DNAH2: variants seen among roughly 807,000 people sequenced by gnomAD.
DNAH2 encodes the protein dynein axonemal heavy chain 2, also known as axonemal beta dynein heavy chain 2.
Under a neutral mutation model 523.5 loss-of-function variants are expected in DNAH2, and 323 were observed. That is an observed-to-expected ratio of 0.62 (90% CI 0.56 to 0.68). The LOEUF (loss-of-function observed/expected upper bound fraction) is 0.68, where lower values mean the gene tolerates loss of function less well. Among genes scored for constraint, DNAH2 ranks in the 30% least tolerant of loss-of-function variants. The pLI is 0.00. For missense variants in DNAH2, 4,907 were observed against 5,701.5 expected (o/e 0.86, Z 4.49); for synonymous variants, 2,093 against 2,177.4 (o/e 0.96, Z 1.08).
chr17:7,831,002 G>A lies in DNAH2; in HGVS notation c.12231-84G>A. 1.3e-6 allele frequency: 2 copies of A among 1,510,908 alleles called. No individual in the cohort carries two copies. Among genetic ancestry groups the A allele is most frequent in the Middle Eastern group, 1.8e-4 (1 of 5,612 alleles). 93.6% of individuals were successfully genotyped at this position (1,510,908 alleles called of 1,614,324 possible). On this transcript the variant is annotated intron_variant, in intron 79 of 85. Coordinates refer to ENST00000572933, the MANE Select transcript of DNAH2 (RefSeq NM_020877.5). This position sits in a 1 kb window ranked among gnomAD's most constrained non-coding sequence, Gnocchi z 4.2. ...AGCAGGGCAGGGAGCTGGACAAATT[G>A]GACATGCATAGGTTTGGGGTCTTGG...
intron 44 of DNAH2, among the ~76,000 whole-genome samples, chr17:7,790,728 A>G (rs1335806414): frequency 6.8e-6 from 1 of 148,008 alleles, no homozygotes; most frequent in Non-Finnish European, 1.5e-5. Context: ...TTTTTTTTTT[A>G]AGAGACAGGG....
intron 8 of DNAH2, among the ~76,000 whole-genome samples, chr17:7,739,508 G>A (rs1433896935): frequency 1.3e-5 from 2 of 152,164 alleles, no homozygotes; most frequent in East Asian, 1.9e-4. Flanking sequence ...GCCTCTTATC[G>A]CTGCCCTACT....
At chr17:7,751,201 T>C (rs989286853) in intron 12 of DNAH2, among the ~76,000 whole-genome samples, 18 of 152,098 alleles carry the variant, frequency 1.2e-4, no homozygotes, top group South Asian at 4.1e-4. Context: ...TGGAGTACAG[T>C]GGCACCATCT....
Position 7,832,104 on chromosome 17 carries a change from C to T in DNAH2, c.12726+329C>T, listed in dbSNP as rs890790341. ...GTCATTGTTATGAATGAATAGCTGTCGTTGTATGCCTCTTTCCTAGAAGTT... is the reference window on the plus strand; with the variant it reads ...GTCATTGTTATGAATGAATAGCTGTTGTTGTATGCCTCTTTCCTAGAAGTT... On this transcript the variant is annotated intron_variant, in intron 82 of 85. Coordinates refer to ENST00000572933, the MANE Select transcript of DNAH2 (RefSeq NM_020877.5). The surrounding 1 kb of genome is among the most constrained non-coding windows in gnomAD (Gnocchi z 4.3). Among the ~76,000 whole-genome samples the T allele has an allele frequency of 2.2e-4, 33 of 152,144 alleles. No individual in the cohort carries two copies. Among genetic ancestry groups the T allele is most frequent in the African/African-American group, 7.2e-4 (30 of 41,422 alleles).
At chr17:7,757,615 G>A (rs1032804616) in intron 13 of DNAH2, among the ~76,000 whole-genome samples, 7 of 152,200 alleles carry the variant, frequency 4.6e-5, no homozygotes, top group Non-Finnish European at 8.8e-5. Context: ...CTCAGTTTCT[G>A]GACTGCCTTG....
intron 7 of DNAH2, among the ~76,000 whole-genome samples, chr17:7,736,250 G>A (rs1447446148): frequency 6.6e-6 from 1 of 152,182 alleles, no homozygotes; most frequent in Non-Finnish European, 1.5e-5. Flanking sequence ...GGAGGTAAGA[G>A]TGGCCTGTAG....
chr17:7,757,307 T>G, intron 13 of DNAH2, 70 bp downstream of exon 13: 1 of 1,524,640 alleles, frequency 6.6e-7, no homozygotes, highest in Non-Finnish European at 8.9e-7. Context: ...TTATCTGCCC[T>G]GTAATGTTGT....
rs758292478 is a variant in DNAH2, at chr17:7,739,756, C to A, written c.1194C>A (p.Phe398Leu). 6.2e-7 allele frequency: 1 copy of A among 1,613,414 alleles called. No individual in the cohort carries two copies. The highest frequency in any genetic ancestry group is 1.1e-5 in the South Asian group (1 of 91,050). The change falls in exon 9 of 86, where the codon TTC (phenylalanine) becomes TTA (leucine). Residue 398 changes from phenylalanine to leucine, a missense_variant. Physicochemically the swap from Phe to Leu is conservative, Grantham distance 22. This residue lies in a region of DNAH2 where 2,806 missense variants were observed against 3,190.8 expected (regional missense o/e 0.88). Coordinates refer to ENST00000572933, the MANE Select transcript of DNAH2 (RefSeq NM_020877.5). ...AGGTATGTGACTGTCAGTATCACTT[C>A]GCCCGCTGGGAAGATGGCAAGCAGG... ...FRKVCDCQYH[F>L]ARWEDGKQGP... is the part of the protein sequence containing the mutation.
chr17:7,746,571 C>A (rs1344961189), intron 12 of DNAH2, among the ~76,000 whole-genome samples: 1 of 152,162 alleles, frequency 6.6e-6, no homozygotes, highest in Non-Finnish European at 1.5e-5. Context: ...TTATCACTTC[C>A]TCCCCACCCT....
At position 7,805,408 on chromosome 17, in the gene DNAH2, A is replaced by G. The variant is rs1270352126; in HGVS notation, c.9442+15A>G. 3.7e-6 allele frequency: 6 copies of G among 1,613,946 alleles called. No homozygotes were observed. The highest frequency in any genetic ancestry group is 2.2e-5 in the East Asian group (1 of 44,890). On this transcript the variant is annotated intron_variant, in intron 61 of 85. Coordinates refer to ENST00000572933, the MANE Select transcript of DNAH2 (RefSeq NM_020877.5). ...GAGGCAGCTAGGTAAGCTAGAGACA[A>G]TGAAATCAATGACTTCCACTCACCC... is the stretch of plus-strand genomic sequence containing the variant.
Position 7,759,462 on chromosome 17 carries a change from G to T in DNAH2, c.2489G>T (p.Arg830Leu). The change falls in exon 16 of 86, where the codon CGC (arginine) becomes CTC (leucine). Residue 830 changes from arginine (R) to leucine (L), a missense_variant. Arg to Leu is a moderately radical substitution (Grantham distance 102). Around this residue, in one of 3 missense-constraint regions of DNAH2, gnomAD observed 2,806 missense variants for 3,190.8 expected, o/e 0.88. Transcript: ENST00000572933. Reference sequence around the variant, plus strand: ...ATGCTGTACATGATTCGGCTGGACCGCATGATGGAGGATGCCCTGCGCCTG... The same window carrying T: ...ATGCTGTACATGATTCGGCTGGACCTCATGATGGAGGATGCCCTGCGCCTG... ...QWMLYMIRLD[R>L]MMEDALRLNV... 6.2e-7 allele frequency: 1 copy of T among 1,613,970 alleles called. No homozygotes were observed. Among genetic ancestry groups the T allele is most frequent in the Non-Finnish European group, 8.5e-7 (1 of 1,179,942 alleles).
At chr17:7,819,430 G>A (rs1357023200) in intron 72 of DNAH2, 22 bp downstream of exon 72, 1 of 1,613,732 alleles carries the variant, frequency 6.2e-7, no homozygotes, top group East Asian at 2.2e-5. Context: ...CCCCCAACAT[G>A]CCCCAGCCCG....
At chr17:7,793,480 TTTC>T (rs1326947492) in intron 48 of DNAH2, among the ~76,000 whole-genome samples, 5 of 134,800 alleles carry the variant, frequency 3.7e-5, no homozygotes, top group African/African-American at 1.3e-4. Flanking sequence ...TCTTTCTTTC[TTTC>T]TTTCTTTCTT....
chr17:7,820,001 G>T (rs1029628466), intron 72 of DNAH2, among the ~76,000 whole-genome samples: 6 of 152,080 alleles, frequency 3.9e-5, no homozygotes, highest in African/African-American at 4.8e-5. Context: ...TACAGAAAGG[G>T]TCTCCCTATG....
In DNAH2 at chr17:7,734,470, C is replaced by A; in HGVS notation, c.740C>A (p.Thr247Asn). Residue 247 changes from threonine to asparagine, a missense_variant and splice_region_variant, in exon 7 of 86, where the codon ACC (threonine) becomes AAC (asparagine). Physicochemically the swap from Thr to Asn is moderately conservative, Grantham distance 65 (BLOSUM62 0). This residue lies in a region of DNAH2 where 2,806 missense variants were observed against 3,190.8 expected (regional missense o/e 0.88). Transcript: ENST00000572933. ...KDKELVQRLETSMIHWTRQIK... is the reference protein window; with the variant it reads ...KDKELVQRLENSMIHWTRQIK... ...GGAGATTTTGTACTCTCCCCTGCAGCCTCCATGATCCACTGGACCCGGCAG... is the reference window on the plus strand; with the variant it reads ...GGAGATTTTGTACTCTCCCCTGCAGACTCCATGATCCACTGGACCCGGCAG... 6.2e-7 allele frequency: 1 copy of A among 1,613,660 alleles called. No individual in the cohort carries two copies. Among genetic ancestry groups the A allele is most frequent in the Non-Finnish European group, 8.5e-7 (1 of 1,179,874 alleles).
intron 4 of DNAH2, among the ~76,000 whole-genome samples, chr17:7,732,024 C>T (rs1041534436): frequency 6.4e-5 from 6 of 94,058 alleles, no homozygotes; most frequent in Admixed American, 3.5e-4. Flanking sequence ...AGCGAAACTT[C>T]GTCTCAAAAA....
rs2074493985 is a variant in DNAH2, at chr17:7,718,597, C to T, written c.-217C>T. The T allele has an allele frequency of 6.6e-6, 1 of 152,494 alleles. No individual in the cohort carries two copies. The highest frequency in any genetic ancestry group is 1.5e-5 in the Non-Finnish European group (1 of 68,040). 9.4% of individuals were successfully genotyped at this position (152,494 alleles called of 1,614,324 possible). ...TTCCTCGTGCCCCAATTGCTTTTTC[C>T]TCATGACACAATTTGAAATTTATGA... On this transcript the variant is annotated 5_prime_UTR_variant, in exon 1 of 86. Transcript: ENST00000572933.
Position 7,788,163 on chromosome 17 carries a change from G to C in DNAH2, c.6819G>C (p.Lys2273Asn). 1 of 1,614,132 alleles carries C rather than the reference G, an allele frequency of 6.2e-7. No homozygotes were observed. The highest frequency in any genetic ancestry group is 8.5e-7 in the Non-Finnish European group (1 of 1,180,008). The change falls in exon 44 of 86, where the codon AAG becomes AAC. Residue 2273 changes from lysine to asparagine, a missense_variant. Around this residue, in one of 3 missense-constraint regions of DNAH2, gnomAD observed 2,806 missense variants for 3,190.8 expected, o/e 0.88. Coordinates refer to ENST00000572933, the MANE Select transcript of DNAH2 (RefSeq NM_020877.5). ...KMLAFKKDNC[K>N]ELVPLPEYSG... Reference sequence around the variant, plus strand: ...TGGCCTTTAAGAAGGACAACTGCAAGGAGCTGGTGCCCCTGCCCGAGTACA... The same window carrying C: ...TGGCCTTTAAGAAGGACAACTGCAACGAGCTGGTGCCCCTGCCCGAGTACA...
chr17:7,791,118 G>T (rs2076884181), intron 44 of DNAH2, among the ~76,000 whole-genome samples: 1 of 151,210 alleles, frequency 6.6e-6, no homozygotes, highest in African/African-American at 2.4e-5. Context: ...TTGTTGCCCA[G>T]GCTGGAGCGC....
Sources: allele counts gnomAD v4.1 joint callset (sites outside exome capture counted in the v4.1 genomes callset), GRCh38; gene constraint gnomAD v4.1.1; regional missense constraint gnomAD v4.1.1; non-coding constraint Gnocchi (gnomAD v3.1); transcripts MANE v1.5; gene names NCBI Gene and HGNC (gene_info 2026-07-23, HGNC 2026-07-21).